Variants in MYO18B observed in about 807,000 individuals in gnomAD.
The protein encoded by MYO18B is unconventional myosin-XVIIIb.
A neutral mutation model predicts 273.0 loss-of-function variants in MYO18B; 204 were observed. The ratio of observed to expected loss-of-function variants is 0.75; its 90% confidence interval spans 0.67 to 0.84. The LOEUF is 0.84. Among genes scored for constraint, MYO18B ranks in the 40% least tolerant of loss-of-function variants. The pLI is 0.00. For missense variants in MYO18B, 3,212 were observed against 3,287.6 expected (o/e 0.98, Z 0.56); for synonymous variants, 1,330 against 1,305.7 (o/e 1.02, Z -0.40).
chr22:25,891,394 A>G lies in MYO18B; in HGVS notation c.4525A>G (p.Arg1509Gly). The G allele has an allele frequency of 6.3e-7, 1 of 1,581,746 alleles. No homozygotes were observed. The highest frequency in any genetic ancestry group is 8.6e-7 in the Non-Finnish European group (1 of 1,163,330). ...GAAAATTCAGTTGAATGACTTGGAA[A>G]GGAATCCCACTGGAGGAGGTGAGCA... ...QQKIQLNDLE[R>G]NPTGGADEWQ... The change falls in exon 27 of 44, where the codon AGG (arginine) becomes GGG (glycine). Residue 1509 changes from arginine (R) to glycine (G), a missense_variant. By Grantham distance (125) the Arg-to-Gly change is moderately radical (BLOSUM62 -2). Transcript: ENST00000335473.
At chr22:25,998,306 A>G (rs1933556363) in intron 40 of MYO18B, among the ~76,000 whole-genome samples, 1 of 152,140 alleles carries the variant, frequency 6.6e-6, no homozygotes, top group African/African-American at 2.4e-5. Context: ...GCTGGCTGAC[A>G]CAGCCCTGTC....
intron 25 of MYO18B, among the ~76,000 whole-genome samples, chr22:25,887,690 C>T (rs1177893845): frequency 1.3e-5 from 2 of 152,192 alleles, no homozygotes; most frequent in African/African-American, 4.8e-5. Context: ...TCCAAAGCCC[C>T]TGTGCCCCAT....
intron 42 of MYO18B, 147 bp downstream of exon 42, chr22:26,005,002 C>A: frequency 1.1e-6 from 1 of 945,836 alleles, no homozygotes; most frequent in Non-Finnish European, 1.6e-6. Context: ...CTGCCACTTC[C>A]TAGCTGTGTG....
intron 11 of MYO18B, among the ~76,000 whole-genome samples, chr22:25,790,352 CT>C (rs1348802934): frequency 2.0e-5 from 3 of 152,136 alleles, no homozygotes; most frequent in African/African-American, 7.2e-5. Context: ...GGTTTTAAAC[CT>C]TTTTGTGGTT....
intron 34 of MYO18B, 48 bp downstream of exon 34, chr22:25,921,457 C>T (rs764869578): frequency 5.1e-5 from 80 of 1,565,402 alleles, no homozygotes; most frequent in Middle Eastern, 2.0e-4. Flanking sequence ...GAGGATGCTA[C>T]GACCTGCAGA....
chr22:25,981,624 A>T (rs904863667), intron 39 of MYO18B, among the ~76,000 whole-genome samples: 2 of 152,232 alleles, frequency 1.3e-5, no homozygotes, highest in East Asian at 3.8e-4. Context: ...ACATGCCTGT[A>T]GTCCCAGGTA....
intron 39 of MYO18B, among the ~76,000 whole-genome samples, chr22:25,975,200 G>A (rs539680302): frequency 1.1e-4 from 17 of 152,316 alleles, no homozygotes; most frequent in African/African-American, 4.1e-4. Flanking sequence ...TTGAGATGTG[G>A]AGGTAAAAGA....
chr22:25,895,478 ATC>A, intron 28 of MYO18B, 198 bp downstream of exon 28: 1 of 585,074 alleles, frequency 1.7e-6, no homozygotes, highest in East Asian at 3.0e-5. Context: ...GTACATGTGG[ATC>A]TTCTATCCAG....
Position 26,027,602 on chromosome 22 carries a change from C to T in MYO18B, c.7628C>T (p.Pro2543Leu). The T allele has an allele frequency of 1.2e-6, 2 of 1,613,890 alleles. No individual in the cohort carries two copies. The highest frequency in any genetic ancestry group is 1.7e-6 in the Non-Finnish European group (2 of 1,179,880). Reference sequence around the variant, plus strand: ...GGTGACGGTGGCGAGCGAACGTCCCCCGAGCGGAGAGAGCCAGGGACGGGG... The same window carrying T: ...GGTGACGGTGGCGAGCGAACGTCCCTCGAGCGGAGAGAGCCAGGGACGGGG... ...LAGDGGERTS[P>L]ERREPGTGRK... Residue 2543 changes from proline (P) to leucine (L), a missense_variant, in exon 43 of 44, where the codon CCC (proline) becomes CTC (leucine). Physicochemically the swap from Pro to Leu is moderately conservative, Grantham distance 98. Coordinates refer to ENST00000335473, the MANE Select transcript of MYO18B (RefSeq NM_032608.7). This position sits in a 1 kb window ranked among gnomAD's most constrained non-coding sequence, Gnocchi z 4.1.
chr22:25,926,048 A>G (rs1249722849), intron 34 of MYO18B, among the ~76,000 whole-genome samples: 1 of 151,498 alleles, frequency 6.6e-6, no homozygotes, highest in African/African-American at 2.4e-5. Flanking sequence ...TACTAAAAAT[A>G]TAAAAAATTA....
At chr22:26,008,246 T>C (rs1378777772) in intron 42 of MYO18B, among the ~76,000 whole-genome samples, 1 of 152,196 alleles carries the variant, frequency 6.6e-6, no homozygotes, top group Non-Finnish European at 1.5e-5. Flanking sequence ...CTTGTCAAGC[T>C]TTGAAAAACA....
At chr22:25,958,389 G>T (rs1337088077) in intron 39 of MYO18B, among the ~76,000 whole-genome samples, 1 of 152,030 alleles carries the variant, frequency 6.6e-6, no homozygotes, top group Non-Finnish European at 1.5e-5. Flanking sequence ...GAAGAACAAA[G>T]CTCCACGAAT....
At chr22:26,035,278 C>T (rs1392169153), downstream of MYO18B, among the ~76,000 whole-genome samples, 1 of 152,202 alleles carries the variant, frequency 6.6e-6, no homozygotes, top group Non-Finnish European at 1.5e-5. Flanking sequence ...ACTCTCAAGC[C>T]AGTCAACTGG....
At position 25,898,320 on chromosome 22, in the gene MYO18B, A is replaced by G; in HGVS notation, c.4682A>G (p.Gln1561Arg). Residue 1561 changes from glutamine to arginine, a missense_variant, in exon 29 of 44, where the codon CAA becomes CGA. By Grantham distance (43) the Gln-to-Arg change is conservative. Coordinates refer to ENST00000335473, the MANE Select transcript of MYO18B (RefSeq NM_032608.7). ...TTACTCTTACAGCTTGGGGAGTTGC[A>G]AAGTGCTTATGACGGGGCCAAGAAG... ...KELEQKLGELQSAYDGAKKMA... is the reference protein window; with the variant it reads ...KELEQKLGELRSAYDGAKKMA... The G allele has an allele frequency of 6.2e-7, 1 of 1,613,572 alleles. No individual in the cohort carries two copies. Among genetic ancestry groups the G allele is most frequent in the Non-Finnish European group, 8.5e-7 (1 of 1,179,730 alleles).
At chr22:25,776,223 T>C (rs1249839874) in intron 7 of MYO18B, among the ~76,000 whole-genome samples, 1 of 152,260 alleles carries the variant, frequency 6.6e-6, no homozygotes, top group East Asian at 1.9e-4. Flanking sequence ...CTACAGTTTG[T>C]TCCTTTATTT....
chr22:25,959,671 C>T (rs1010808518), intron 39 of MYO18B, among the ~76,000 whole-genome samples: 2 of 152,174 alleles, frequency 1.3e-5, no homozygotes, highest in African/African-American at 4.8e-5. Flanking sequence ...CATCAACAAA[C>T]GTTTATTGAG....
At chr22:25,809,651 G>T (rs1429819703) in intron 12 of MYO18B, among the ~76,000 whole-genome samples, 1 of 152,118 alleles carries the variant, frequency 6.6e-6, no homozygotes, top group Non-Finnish European at 1.5e-5. Context: ...TGCTGGAATG[G>T]ATGGGGCTGT....
At chr22:25,836,867 CAGG>C (rs1375877093) in intron 17 of MYO18B, among the ~76,000 whole-genome samples, 1 of 151,942 alleles carries the variant, frequency 6.6e-6, no homozygotes, top group Admixed American at 6.6e-5. Context: ...GAGGCTGAGG[CAGG>C]AGAATTGCTT....
At chr22:25,940,400 G>T (rs758259635) in intron 34 of MYO18B, among the ~76,000 whole-genome samples, 9 of 152,214 alleles carry the variant, frequency 5.9e-5, no homozygotes, top group African/African-American at 9.6e-5. Context: ...GGCCTCCCCA[G>T]TCATGTGGAA....
Sources: allele counts gnomAD v4.1 joint callset (sites outside exome capture counted in the v4.1 genomes callset), GRCh38; gene constraint gnomAD v4.1.1; non-coding constraint Gnocchi (gnomAD v3.1); transcripts MANE v1.5; gene names NCBI Gene and HGNC (gene_info 2026-07-23, HGNC 2026-07-21).